Variants in TCF7L1 observed in about 807,000 individuals in gnomAD.
TCF7L1 encodes transcription factor 7-like 1.
A neutral mutation model predicts 63.7 loss-of-function variants in TCF7L1; 18 were observed. That is an observed-to-expected ratio of 0.28 (90% confidence interval 0.20 to 0.42). The LOEUF (loss-of-function observed/expected upper bound fraction) is 0.42, where lower values mean the gene tolerates loss of function less well. TCF7L1 is among the 10% of genes least tolerant of loss of function. The pLI, the probability that TCF7L1 is intolerant of heterozygous loss-of-function variation, is 1.00. For synonymous variants in TCF7L1, 355 were observed against 340.9 expected (o/e 1.04, Z -0.46); for missense variants, 654 against 779.3 (o/e 0.84, Z 1.91).
At chr2:85,232,500 A>G (rs1680106367) in intron 3 of TCF7L1, among the ~76,000 whole-genome samples, 1 of 152,102 alleles carries the variant, frequency 6.6e-6, no homozygotes, top group Admixed American at 6.5e-5. Context: ...ACAAGCAGCC[A>G]TTCGTCTGTC....
intron 3 of TCF7L1, among the ~76,000 whole-genome samples, chr2:85,237,548 A>G (rs751843611): frequency 7.9e-5 from 12 of 152,106 alleles, no homozygotes; most frequent in Non-Finnish European, 1.6e-4. Flanking sequence ...TTCCATCCTC[A>G]GAAAATGTCA....
chr2:85,308,464 TCCC>T (rs1558663568), intron 11 of TCF7L1, among the ~76,000 whole-genome samples: 5 of 62,274 alleles, frequency 8.0e-5, no homozygotes, highest in African/African-American at 1.2e-4. Flanking sequence ...TCCCTCTCTT[TCCC>T]TCCCTCTCCC....
chr2:85,210,651 C>G (rs1572993125), intron 3 of TCF7L1, among the ~76,000 whole-genome samples: 1 of 152,264 alleles, frequency 6.6e-6, no homozygotes, highest in African/African-American at 2.4e-5. Context: ...GTTCCCAGCC[C>G]TTTGTCCTTG....
intron 6 of TCF7L1, 65 bp downstream of exon 6, chr2:85,304,062 T>C (rs1682048448): frequency 7.4e-7 from 1 of 1,349,446 alleles, no homozygotes. Context: ...CTCTGTGCCC[T>C]GCGCGCCCTG....
rs1374171122 is a variant in TCF7L1, at chr2:85,133,881, A to C, written c.197A>C (p.Lys66Thr). ...GCGCAGCGGGACCTAGACGAGGTCA[A>C]GTCGTCCCTGGTCAACGAGTCGGAG... ...ASAQRDLDEV[K>T]SSLVNESENQ... The change falls in exon 1 of 12, where the codon AAG (lysine) becomes ACG (threonine). Residue 66 changes from lysine (K) to threonine (T), a missense_variant. Around this residue, in one of 3 missense-constraint regions of TCF7L1, gnomAD observed 404 missense variants for 454.8 expected, o/e 0.89. Coordinates refer to ENST00000282111, the MANE Select transcript of TCF7L1 (RefSeq NM_031283.3). This position sits in a 1 kb window ranked among gnomAD's most constrained non-coding sequence, Gnocchi z 4.4. 6.6e-7 allele frequency: 1 copy of C among 1,521,650 alleles called. No homozygotes were observed. Among genetic ancestry groups the C allele is most frequent in the African/African-American group, 1.4e-5 (1 of 71,382 alleles). 94.3% of individuals were successfully genotyped at this position (1,521,650 alleles called of 1,614,324 possible).
chr2:85,280,685 T>G (rs1050550861), intron 3 of TCF7L1, among the ~76,000 whole-genome samples: 2 of 152,222 alleles, frequency 1.3e-5, no homozygotes, highest in Admixed American at 6.5e-5. Flanking sequence ...CCAGAAATGT[T>G]CAAGTTGTTG....
intron 3 of TCF7L1, among the ~76,000 whole-genome samples, chr2:85,147,811 G>C (rs978257333): frequency 6.6e-6 from 1 of 152,084 alleles, no homozygotes; most frequent in African/African-American, 2.4e-5. Flanking sequence ...CCACATCCTC[G>C]TGCATGTGTG....
chr2:85,207,974 T>G (rs1177577180), intron 3 of TCF7L1, among the ~76,000 whole-genome samples: 1 of 152,054 alleles, frequency 6.6e-6, no homozygotes, highest in Admixed American at 6.6e-5. Context: ...TGGCGCCATC[T>G]CGGCCCACTG....
chr2:85,185,234 G>A (rs957286136), intron 3 of TCF7L1, among the ~76,000 whole-genome samples: 5 of 152,182 alleles, frequency 3.3e-5, no homozygotes, highest in African/African-American at 7.2e-5. Flanking sequence ...CCAGGCCAGC[G>A]TTTGAACTCA....
chr2:85,268,253 G>A (rs888041994), intron 3 of TCF7L1, among the ~76,000 whole-genome samples: 1 of 152,140 alleles, frequency 6.6e-6, no homozygotes, highest in African/African-American at 2.4e-5. Context: ...AGCTAAATTA[G>A]GGTCTGTGGC....
At chr2:85,299,017 AT>A (rs1681899760) in intron 4 of TCF7L1, among the ~76,000 whole-genome samples, 1 of 151,646 alleles carries the variant, frequency 6.6e-6, no homozygotes, top group Admixed American at 6.6e-5. Context: ...AGATCTTCAA[AT>A]AAAAATTTCC....
intron 3 of TCF7L1, among the ~76,000 whole-genome samples, chr2:85,192,584 T>C (rs920796197): frequency 1.3e-5 from 2 of 152,110 alleles, no homozygotes; most frequent in Non-Finnish European, 2.9e-5. Flanking sequence ...GTTTTCAGCA[T>C]GTTGTTCAGG....
chr2:85,168,305 G>C (rs1315167642), intron 3 of TCF7L1, among the ~76,000 whole-genome samples: 4 of 152,054 alleles, frequency 2.6e-5, no homozygotes, highest in Non-Finnish European at 2.9e-5. Flanking sequence ...GTATGCACGT[G>C]TTCAAACTCA....
In TCF7L1 at chr2:85,302,255, G is replaced by A. The variant is rs569101070; in HGVS notation, c.526-229G>A. The stretch of plus-strand genomic sequence containing the variant: ...AGATCATTCCCCAGAAGCCTGTACT[G>A]TTTCCCACACACAGTGCACGTGAGG... On this transcript the variant is annotated intron_variant, in intron 4 of 11. Transcript: ENST00000282111. 4.4e-4 allele frequency among the ~76,000 whole-genome samples: 67 copies of A among 152,252 alleles called. 1 individual carries two copies. The highest frequency in any genetic ancestry group is 1.5e-3 in the African/African-American group (64 of 41,544).
chr2:85,149,815 G>A (rs1677966295), intron 3 of TCF7L1, among the ~76,000 whole-genome samples: 2 of 152,270 alleles, frequency 1.3e-5, no homozygotes, highest in African/African-American at 4.8e-5. Flanking sequence ...GTGAGCCACC[G>A]CGCCCGGCTC....
At chr2:85,258,382 AC>A (rs1680773916) in intron 3 of TCF7L1, among the ~76,000 whole-genome samples, 1 of 152,132 alleles carries the variant, frequency 6.6e-6, no homozygotes, top group South Asian at 2.1e-4. Flanking sequence ...CTGGACGTGC[AC>A]CAAGCCACTG....
At chr2:85,188,102 G>T (rs186320731) in intron 3 of TCF7L1, among the ~76,000 whole-genome samples, 1 of 152,346 alleles carries the variant, frequency 6.6e-6, no homozygotes, top group African/African-American at 2.4e-5. Flanking sequence ...AGGGGGAACA[G>T]ATGAGTGGTT....
Position 85,133,660 on chromosome 2 carries a change from G to C in TCF7L1, c.-25G>C. The C allele has an allele frequency of 2.2e-6, 2 of 911,928 alleles. No individual in the cohort carries two copies. The highest frequency in any genetic ancestry group is 2.6e-6 in the Non-Finnish European group (2 of 765,216). 56.5% of individuals were successfully genotyped at this position (911,928 alleles called of 1,614,324 possible). A position where few individuals can be genotyped will look rare whatever the true frequency, so the allele number is the denominator to read the frequency against. On this transcript the variant is annotated 5_prime_UTR_variant, in exon 1 of 12. Transcript: ENST00000282111. This position sits in a 1 kb window ranked among gnomAD's most constrained non-coding sequence, Gnocchi z 4.4. ...GCGGGCGGCTAGGGGCTCCGAGAGC[G>C]GCGGCCCCGGCCCGCGGCCCCACCA...
intron 3 of TCF7L1, among the ~76,000 whole-genome samples, chr2:85,278,444 C>T (rs778629781): frequency 3.9e-5 from 6 of 152,160 alleles, no homozygotes; most frequent in South Asian, 2.1e-4. Context: ...CACAATACAG[C>T]GTAAGAAGGA....
Sources: allele counts gnomAD v4.1 joint callset (sites outside exome capture counted in the v4.1 genomes callset), GRCh38; gene constraint gnomAD v4.1.1; regional missense constraint gnomAD v4.1.1; non-coding constraint Gnocchi (gnomAD v3.1); transcripts MANE v1.5; gene names NCBI Gene and HGNC (gene_info 2026-07-23, HGNC 2026-07-21).